FARS2: variants seen among roughly 807,000 people sequenced by gnomAD.
FARS2 encodes the protein phenylalanine--tRNA ligase, mitochondrial.
A neutral mutation model predicts 46.4 loss-of-function variants in FARS2; 40 were observed. That is an observed-to-expected ratio of 0.86 (90% confidence interval 0.67 to 1.12). FARS2 has a LOEUF of 1.12. Among genes scored for constraint, FARS2 ranks in the 50% most tolerant of loss-of-function variants. The pLI, the probability that FARS2 is intolerant of heterozygous loss-of-function variation, is 0.00. For missense variants in FARS2, 513 were observed against 567.9 expected, an observed-to-expected ratio of 0.90 and a Z score of 0.98; for synonymous variants, 234 against 214.9, an observed-to-expected ratio of 1.09 and a Z score of -0.78.
intron 1 of FARS2, among the ~76,000 whole-genome samples, chr6:5,277,504 G>T (rs1266963004): frequency 6.6e-6 from 1 of 152,024 alleles, no homozygotes; most frequent in Admixed American, 6.6e-5. Context: ...AAGTTCAGCT[G>T]CAAAGAAAAT....
At chr6:5,445,497 A>T (rs192873119) in intron 4 of FARS2, among the ~76,000 whole-genome samples, 6 of 152,344 alleles carry the variant, frequency 3.9e-5, no homozygotes, top group African/African-American at 1.4e-4. Flanking sequence ...GTCCGTGAAC[A>T]AAATGAGGCA....
chr6:5,544,247 C>A (rs922031804), intron 4 of FARS2, among the ~76,000 whole-genome samples: 1 of 152,116 alleles, frequency 6.6e-6, no homozygotes, highest in African/African-American at 2.4e-5. Flanking sequence ...AAGATGGAGT[C>A]CTAGATAAAA....
At chr6:5,396,751 G>A (rs945245105) in intron 2 of FARS2, among the ~76,000 whole-genome samples, 1 of 152,210 alleles carries the variant, frequency 6.6e-6, no homozygotes, top group African/African-American at 2.4e-5. Flanking sequence ...GTCAGCAGCA[G>A]GGCAGCTGAG....
rs543206784 is a variant in FARS2 at position 5,732,389 on chromosome 6, C to G, written c.1218-38902C>G. Among the ~76,000 whole-genome samples, 16 of 152,174 alleles carry G rather than the reference C, an allele frequency of 1.1e-4. No homozygotes were observed. In the South Asian group the frequency reaches 3.3e-3, roughly 32 times the overall value. ...TAGACAGGTTAAGGCTTGGGAAAGC[C>G]TCACAGTCGGGCCTGGCACGTAGCA... is the stretch of plus-strand genomic sequence containing the variant. On this transcript the variant is annotated intron_variant, in intron 6 of 6. Coordinates refer to ENST00000274680, the MANE Select transcript of FARS2 (RefSeq NM_006567.5).
chr6:5,331,127 G>C (rs78107379), intron 1 of FARS2, among the ~76,000 whole-genome samples: 206 of 149,270 alleles, frequency 1.4e-3, no homozygotes, highest in African/African-American at 4.7e-3. Flanking sequence ...AAAAAAGATT[G>C]ATGGTCTTAT....
chr6:5,675,265 C>A (rs1442236142), intron 6 of FARS2, among the ~76,000 whole-genome samples: 1 of 151,894 alleles, frequency 6.6e-6, no homozygotes, highest in Admixed American at 6.6e-5. Context: ...CTGGTAACCA[C>A]ATGTGTGCTG....
At chr6:5,463,261 T>C (rs80310889) in intron 4 of FARS2, among the ~76,000 whole-genome samples, 4,878 of 152,330 alleles carry the variant, frequency 0.032, 247 homozygotes, top group African/African-American at 0.11. Flanking sequence ...ATTTTCAGAT[T>C]GTTTATTCCT....
intron 5 of FARS2, among the ~76,000 whole-genome samples, chr6:5,552,822 T>G (rs762172064): frequency 8.5e-5 from 13 of 152,232 alleles, no homozygotes; most frequent in Admixed American, 2.0e-4. Flanking sequence ...TGTCCACCAC[T>G]GCAGCTTCCC....
chr6:5,362,693 C>T (rs899883107), intron 1 of FARS2, among the ~76,000 whole-genome samples: 2 of 152,112 alleles, frequency 1.3e-5, no homozygotes, highest in African/African-American at 2.4e-5. Context: ...TCTAAATTCC[C>T]ACCAACAGTG....
chr6:5,651,246 G>A (rs1426545333), intron 6 of FARS2, among the ~76,000 whole-genome samples: 2 of 152,180 alleles, frequency 1.3e-5, no homozygotes, highest in African/African-American at 2.4e-5. Flanking sequence ...AAGCAATCCA[G>A]CTTGAACTAC....
intron 4 of FARS2, among the ~76,000 whole-genome samples, chr6:5,543,730 G>A (rs1011484584): frequency 2.0e-5 from 3 of 152,066 alleles, no homozygotes; most frequent in African/African-American, 4.8e-5. Context: ...CTTGTGGCTC[G>A]TTGAGACGAG....
At chr6:5,550,511 C>T (rs1388371539) in intron 5 of FARS2, among the ~76,000 whole-genome samples, 2 of 152,192 alleles carry the variant, frequency 1.3e-5, no homozygotes, top group Non-Finnish European at 2.9e-5. Context: ...AGCAGTCTGC[C>T]TGCCTTGGCC....
chr6:5,295,934 G>A (rs1767826074), intron 1 of FARS2, among the ~76,000 whole-genome samples: 1 of 152,088 alleles, frequency 6.6e-6, no homozygotes, highest in Non-Finnish European at 1.5e-5. Context: ...AGGGACCGTG[G>A]GGAGCTACAA....
intron 2 of FARS2, among the ~76,000 whole-genome samples, chr6:5,380,841 T>G (rs990502555): frequency 1.3e-5 from 2 of 152,134 alleles, no homozygotes; most frequent in Admixed American, 6.5e-5. Flanking sequence ...TAAATGAATT[T>G]GAAAGGTAAG....
At chr6:5,392,925 C>CATATGTGTGTATATATTAT (rs1554175098) in intron 2 of FARS2, among the ~76,000 whole-genome samples, 13 of 91,636 alleles carry the variant, frequency 1.4e-4, no homozygotes, top group African/African-American at 4.3e-4. Flanking sequence ...TGTATATATA[C>CATATGTGTGTATATATTAT]ATATATGTGT....
chr6:5,408,848 C>A (rs1319145843), intron 3 of FARS2, among the ~76,000 whole-genome samples: 3 of 152,152 alleles, frequency 2.0e-5, no homozygotes, highest in African/African-American at 7.2e-5. Flanking sequence ...GTGTACCAGA[C>A]TGTGGCACCG....
rs148388075 is a variant in FARS2, at chr6:5,403,021, T to TCCTG, written c.613-1502_613-1499dup. Among the ~76,000 whole-genome samples, 571 of 152,200 alleles carry TCCTG rather than the reference T, an allele frequency of 3.8e-3. 5 individuals are homozygous for TCCTG. The highest frequency in any genetic ancestry group is 0.018 in the East Asian group (95 of 5,176). ...TCCCTAGGTTTTGACTGGCATTCCT[T>TCCTG]CCTGCCTGCCTGCCTGCCTGCCAAA... is the stretch of plus-strand genomic sequence containing the variant. On this transcript the variant is annotated intron_variant, in intron 2 of 6. Transcript: ENST00000274680.
intron 5 of FARS2, among the ~76,000 whole-genome samples, chr6:5,563,751 G>A (rs1772151425): frequency 1.3e-5 from 2 of 152,110 alleles, no homozygotes; most frequent in African/African-American, 2.4e-5. Context: ...TTGAGTTATA[G>A]TATGGAGTAT....
At chr6:5,466,603 A>G in intron 4 of FARS2, 7 of 985,426 alleles carry the variant, frequency 7.1e-6, no homozygotes, top group Non-Finnish European at 8.4e-6. Flanking sequence ...GAGACTTCAT[A>G]ATGGTCCTGA....
Sources: gnomAD v4.1 joint callset for allele counts (sites outside exome capture counted in the v4.1 genomes callset) on GRCh38, gnomAD v4.1.1 for gene constraint, MANE v1.5 for transcripts, NCBI Gene and HGNC (gene_info 2026-07-23, HGNC 2026-07-21) for gene names.